The following ATXN10 variants were observed in gnomAD, a reference collection of about 807,000 sequenced individuals.
ATXN10 encodes ataxin 10.
Under a neutral mutation model 52.9 loss-of-function variants are expected in ATXN10, and 28 were observed. The ratio of observed to expected loss-of-function variants is 0.53; its 90% CI spans 0.39 to 0.73. The LOEUF (loss-of-function observed/expected upper bound fraction) is 0.73. ATXN10 is among the 30% of genes least tolerant of loss of function. ATXN10 has a pLI of 0.00. For synonymous variants in ATXN10, 226 were observed against 221.5 expected (o/e 1.02, Z -0.18); for missense variants, 565 against 577.0 (o/e 0.98, Z 0.21).
intron 9 of ATXN10, among the ~76,000 whole-genome samples, chr22:45,741,854 C>G (rs901844665): frequency 2.0e-5 from 3 of 152,182 alleles, no homozygotes; most frequent in East Asian, 1.9e-4. Context: ...GAAATTGATG[C>G]TTGGAAGAAG....
rs1929142524 is a variant in ATXN10 at position 45,835,651 on chromosome 22, TTAC to T, written c.1238-7339_1238-7337del. Reference sequence around the variant, plus strand: ...TTATGGGGCCTATGTACCACTTCCCTTACGGCCTAGAAGCCGATTAGCAGCCTC... The same window carrying T: ...TTATGGGGCCTATGTACCACTTCCCTGGCCTAGAAGCCGATTAGCAGCCTC... On this transcript the variant is annotated intron_variant, in intron 10 of 11. Coordinates refer to ENST00000252934, the MANE Select transcript of ATXN10 (RefSeq NM_013236.4). This position sits in a 1 kb window ranked among gnomAD's most constrained non-coding sequence, Gnocchi z 5.0. Among the ~76,000 whole-genome samples the T allele has an allele frequency of 6.6e-6, 1 of 152,248 alleles. No homozygotes were observed. The highest frequency in any genetic ancestry group is 1.5e-5 in the Non-Finnish European group (1 of 68,038).
rs1483350055 is a variant in ATXN10 at position 45,772,095 on chromosome 22, AT to A, written c.1173+31564del. Among the ~76,000 whole-genome samples, 2 of 152,202 alleles carry A rather than the reference AT, an allele frequency of 1.3e-5. No individual in the cohort carries two copies. Among genetic ancestry groups the A allele is most frequent in the South Asian group, 2.1e-4 (1 of 4,820 alleles). On this transcript the variant is annotated intron_variant, in intron 9 of 11. Coordinates refer to ENST00000252934, the MANE Select transcript of ATXN10 (RefSeq NM_013236.4). The surrounding 1 kb of genome is among the most constrained non-coding windows in gnomAD (Gnocchi z 4.1). Reference sequence around the variant, plus strand: ...AAAATTTTTGAAGTTCACTTTATCAATTTTTTTCTTTTATGAATCATACTTT... The same window carrying A: ...AAAATTTTTGAAGTTCACTTTATCAATTTTTTCTTTTATGAATCATACTTT...
In ATXN10 at chr22:45,796,359, T is replaced by G. The variant is rs535519351; in HGVS notation, c.1174-10600T>G. 1.4e-4 allele frequency among the ~76,000 whole-genome samples: 21 copies of G among 152,322 alleles called. No homozygotes were observed. In the South Asian group the frequency reaches 4.1e-3, roughly 30 times the overall value. On this transcript the variant is annotated intron_variant, in intron 9 of 11. Coordinates refer to ENST00000252934, the MANE Select transcript of ATXN10 (RefSeq NM_013236.4). ...GTGCCCAGCAGGACATGGACCTTCA[T>G]CAGTAATTCTAGTTTCGCCCTGGCC...
At position 45,684,345 on chromosome 22, in the gene ATXN10, G is replaced by A. The variant is rs1191123204; in HGVS notation, c.117-5367G>A. On this transcript the variant is annotated intron_variant, in intron 1 of 11. Coordinates refer to ENST00000252934, the MANE Select transcript of ATXN10 (RefSeq NM_013236.4). The surrounding 1 kb of genome is among the most constrained non-coding windows in gnomAD (Gnocchi z 4.1). ...GACAGTGGGAAAGAGGAAGTGTGTG[G>A]TTTTTGGGGAGTGGGGAGAGGACTG... is the stretch of plus-strand genomic sequence containing the variant. Among the ~76,000 whole-genome samples, 1 of 152,038 alleles carries A rather than the reference G, an allele frequency of 6.6e-6. No homozygotes were observed. The highest frequency in any genetic ancestry group is 2.4e-5 in the African/African-American group (1 of 41,398).
intron 10 of ATXN10, among the ~76,000 whole-genome samples, chr22:45,817,460 A>G (rs7284267): frequency 0.13 from 19,630 of 151,358 alleles, 1,378 homozygotes; most frequent in Middle Eastern, 0.17. Context: ...TAGTAGCGGG[A>G]ATTACAGGCC....
chr22:45,832,030 C>T (rs1004384406), intron 10 of ATXN10, among the ~76,000 whole-genome samples: 16 of 152,192 alleles, frequency 1.1e-4, no homozygotes, highest in Admixed American at 5.9e-4. Context: ...CAAAGCCGTG[C>T]GGCTTGTAAA....
intron 6 of ATXN10, among the ~76,000 whole-genome samples, chr22:45,719,417 A>G (rs1368072587): frequency 6.6e-6 from 1 of 152,158 alleles, no homozygotes; most frequent in Non-Finnish European, 1.5e-5. Context: ...ATGCTTTTAA[A>G]GTCATATGAA....
chr22:45,782,984 G>T (rs888231730), intron 9 of ATXN10, among the ~76,000 whole-genome samples: 1 of 152,162 alleles, frequency 6.6e-6, no homozygotes, highest in African/African-American at 2.4e-5. Flanking sequence ...ACAATAGATT[G>T]CTTACAATTT....
chr22:45,753,503 T>G (rs906694709), intron 9 of ATXN10, among the ~76,000 whole-genome samples: 2 of 144,278 alleles, frequency 1.4e-5, no homozygotes, highest in African/African-American at 2.5e-5. Flanking sequence ...CCTCCCGGGA[T>G]TAAGCGATTC....
At chr22:45,695,324 CAAA>C (rs1200143731) in intron 3 of ATXN10, among the ~76,000 whole-genome samples, 4 of 78,118 alleles carry the variant, frequency 5.1e-5, no homozygotes, top group Admixed American at 1.4e-4. Context: ...GACTCCACCT[CAAA>C]AAAAAAAAAA....
intron 2 of ATXN10, among the ~76,000 whole-genome samples, chr22:45,691,477 A>G (rs1437220806): frequency 6.6e-6 from 1 of 152,274 alleles, no homozygotes; most frequent in Non-Finnish European, 1.5e-5. Flanking sequence ...GAGAGGTTAA[A>G]TAACTTGTCT....
At chr22:45,720,890 G>C (rs1029131925) in intron 6 of ATXN10, among the ~76,000 whole-genome samples, 1 of 152,150 alleles carries the variant, frequency 6.6e-6, no homozygotes, top group South Asian at 2.1e-4. Context: ...ACTGGCATTT[G>C]GTGAGGGCTC....
intron 9 of ATXN10, among the ~76,000 whole-genome samples, chr22:45,748,537 A>G: frequency 6.6e-6 from 1 of 152,192 alleles, no homozygotes; most frequent in East Asian, 1.9e-4. Flanking sequence ...ATTATCTAGT[A>G]AAGAGCTGAA....
chr22:45,681,780 C>T lies in ATXN10; in HGVS notation c.117-7932C>T, dbSNP rs2146727838. 6.6e-6 allele frequency among the ~76,000 whole-genome samples: 1 copy of T among 152,236 alleles called. No individual in the cohort carries two copies. The highest frequency in any genetic ancestry group is 3.4e-3 in the Middle Eastern group (1 of 294). ...CCCGCTGTTTGCCCTGGTCCCTTGA[C>T]TCTCCTGCTCCCCGAGTCAGGTATT... is the stretch of plus-strand genomic sequence containing the variant. On this transcript the variant is annotated intron_variant, in intron 1 of 11. Transcript: ENST00000252934. This position sits in a 1 kb window ranked among gnomAD's most constrained non-coding sequence, Gnocchi z 4.2.
chr22:45,760,612 A>G (rs546947505), intron 9 of ATXN10: 2 of 154,232 alleles, frequency 1.3e-5, no homozygotes, highest in South Asian at 4.1e-4. Flanking sequence ...AACAACGATT[A>G]CAGCAATAGT....
At position 45,774,985 on chromosome 22, in the gene ATXN10, A is replaced by G. The variant is rs546835957; in HGVS notation, c.1174-31974A>G. ...TAAAGGCAGGGGTCGGAGAAACACT[A>G]AAGTTTTTTGTTTGTTTGTTTTGCC... On this transcript the variant is annotated intron_variant, in intron 9 of 11. Transcript: ENST00000252934. The surrounding 1 kb of genome is among the most constrained non-coding windows in gnomAD (Gnocchi z 6.2). Among the ~76,000 whole-genome samples, 6 of 152,320 alleles carry G rather than the reference A, an allele frequency of 3.9e-5. No individual in the cohort carries two copies. In the South Asian group the frequency reaches 8.3e-4, roughly 21 times the overall value.
At chr22:45,806,257 G>A (rs1928095771) in intron 9 of ATXN10, among the ~76,000 whole-genome samples, 1 of 152,166 alleles carries the variant, frequency 6.6e-6, no homozygotes, top group Admixed American at 6.5e-5. Context: ...AGTCTGGCAG[G>A]TAAGAAATGT....
rs1277318047 is a variant in ATXN10, at chr22:45,727,394, T to A, written c.729-2031T>A. On this transcript the variant is annotated intron_variant, in intron 6 of 11. Coordinates refer to ENST00000252934, the MANE Select transcript of ATXN10 (RefSeq NM_013236.4). This position sits in a 1 kb window ranked among gnomAD's most constrained non-coding sequence, Gnocchi z 4.6. ...ATCTATCTGAGACTGAGTCTCGCTC[T>A]GTTGCCCAGGCTGGGGTGCAGTGGC... Among the ~76,000 whole-genome samples the A allele has an allele frequency of 4.0e-5, 6 of 151,766 alleles. No homozygotes were observed. Among genetic ancestry groups the A allele is most frequent in the Non-Finnish European group, 7.4e-5 (5 of 67,944 alleles).
At chr22:45,758,076 C>T (rs569456952) in intron 9 of ATXN10, among the ~76,000 whole-genome samples, 3 of 152,346 alleles carry the variant, frequency 2.0e-5, no homozygotes, top group South Asian at 4.1e-4. Flanking sequence ...CAGGAAGCCC[C>T]GTGCAGTGGG....
Sources: allele counts gnomAD v4.1 joint callset (sites outside exome capture counted in the v4.1 genomes callset), GRCh38; gene constraint gnomAD v4.1.1; non-coding constraint Gnocchi (gnomAD v3.1); transcripts MANE v1.5; gene names NCBI Gene and HGNC (gene_info 2026-07-23, HGNC 2026-07-21).